Variants in CEP192 observed in about 807,000 individuals in gnomAD.
The protein encoded by CEP192 is centrosomal protein of 192 kDa.
In CEP192, 151 loss-of-function variants were observed where a neutral mutation model predicts 271.8. That is an observed-to-expected ratio of 0.56 (90% CI 0.49 to 0.64). CEP192 has a LOEUF of 0.64. CEP192 is among the 30% of genes least tolerant of loss of function. The pLI, the probability that CEP192 is intolerant of heterozygous loss-of-function variation, is 0.00. For missense variants in CEP192, 2,910 were observed against 3,020.5 expected (o/e 0.96, Z 0.86); for synonymous variants, 995 against 1,076.5 (o/e 0.92, Z 1.48).
At chr18:13,043,843 A>G (rs2036334269) in intron 15 of CEP192, among the ~76,000 whole-genome samples, 1 of 152,130 alleles carries the variant, frequency 6.6e-6, no homozygotes, top group East Asian at 1.9e-4. Flanking sequence ...ATTTCTTCCT[A>G]AGTTGTTGAA....
At chr18:13,085,263 TC>T (rs1323827419) in intron 30 of CEP192, among the ~76,000 whole-genome samples, 1 of 152,214 alleles carries the variant, frequency 6.6e-6, no homozygotes, top group Non-Finnish European at 1.5e-5. Flanking sequence ...GTAAATTTGT[TC>T]AAGTTCTTTG....
intron 12 of CEP192, among the ~76,000 whole-genome samples, chr18:13,037,870 T>A (rs2035997039): frequency 6.6e-6 from 1 of 152,198 alleles, no homozygotes; most frequent in East Asian, 1.9e-4. Flanking sequence ...TCTATAGTTT[T>A]AAAATATGTT....
chr18:13,011,464 T>C (rs1341150188), intron 4 of CEP192, among the ~76,000 whole-genome samples: 2 of 152,148 alleles, frequency 1.3e-5, no homozygotes, highest in Non-Finnish European at 2.9e-5. Context: ...GCATTTGCAC[T>C]CCTAGGTATA....
intron 15 of CEP192, among the ~76,000 whole-genome samples, chr18:13,048,254 C>T (rs1598443910): frequency 1.3e-5 from 2 of 152,208 alleles, no homozygotes; most frequent in African/African-American, 2.4e-5. Context: ...CACCAATTTG[C>T]TCCATCCTGG....
intron 1 of CEP192, among the ~76,000 whole-genome samples, chr18:12,993,909 T>C (rs2033046702): frequency 6.6e-6 from 1 of 152,236 alleles, no homozygotes; most frequent in African/African-American, 2.4e-5. Flanking sequence ...ACTCGTTTTT[T>C]CAATTTGTAT....
At chr18:13,119,050 C>T (rs976748641) in intron 44 of CEP192, among the ~76,000 whole-genome samples, 2 of 152,138 alleles carry the variant, frequency 1.3e-5, no homozygotes, top group East Asian at 3.8e-4. Context: ...GTAGGCTGCC[C>T]CAATTGATTT....
intron 34 of CEP192, among the ~76,000 whole-genome samples, chr18:13,094,376 A>C (rs924837616): frequency 6.6e-6 from 1 of 152,146 alleles, no homozygotes; most frequent in Admixed American, 6.5e-5. Flanking sequence ...GCTCTTTACT[A>C]TGAGGAAGAG....
At chr18:13,012,521 G>C (rs2034422485) in intron 4 of CEP192, among the ~76,000 whole-genome samples, 1 of 152,038 alleles carries the variant, frequency 6.6e-6, no homozygotes, top group Non-Finnish European at 1.5e-5. Context: ...TTTATTATCT[G>C]ATACAGTTGT....
intron 34 of CEP192, 108 bp from the exon 35 acceptor site, chr18:13,095,395 A>G (rs1568409008): frequency 5.9e-6 from 5 of 852,060 alleles, no homozygotes; most frequent in South Asian, 1.7e-5. Context: ...ATGTTTTTAG[A>G]TTTATGAAGA....
At chr18:13,084,278 C>T (rs892630776) in intron 30 of CEP192, among the ~76,000 whole-genome samples, 19 of 152,162 alleles carry the variant, frequency 1.2e-4, no homozygotes, top group Admixed American at 1.0e-3. Context: ...TGGGCTCCAC[C>T]CAGTTCGAGC....
At chr18:13,018,057 A>T (rs1460693236) in intron 7 of CEP192, among the ~76,000 whole-genome samples, 10 of 152,144 alleles carry the variant, frequency 6.6e-5, no homozygotes, top group Non-Finnish European at 1.3e-4. Flanking sequence ...ATACAGATTA[A>T]ACAGTTTCTC....
chr18:13,089,590 G>A (rs1403171537), intron 33 of CEP192, 25 bp downstream of exon 33: 4 of 1,134,264 alleles, frequency 3.5e-6, no homozygotes, highest in African/African-American at 1.5e-5. Flanking sequence ...GTGTCTTGAT[G>A]TATTAAATCT....
chr18:13,066,204 A>T (rs2037690083), intron 21 of CEP192, among the ~76,000 whole-genome samples: 2 of 152,224 alleles, frequency 1.3e-5, no homozygotes, highest in Non-Finnish European at 2.9e-5. Flanking sequence ...AACAGTTTTT[A>T]CAGTCCCAAC....
chr18:13,044,762 T>C (rs766278004), intron 15 of CEP192, among the ~76,000 whole-genome samples: 2 of 152,336 alleles, frequency 1.3e-5, no homozygotes, highest in African/African-American at 2.4e-5. Flanking sequence ...CTCTTTCTTA[T>C]AATGTTCTTG....
intron 9 of CEP192, among the ~76,000 whole-genome samples, chr18:13,028,215 G>A (rs911585699): frequency 6.6e-6 from 1 of 152,120 alleles, no homozygotes; most frequent in Admixed American, 6.5e-5. Flanking sequence ...TTCTTCTCTT[G>A]TCTGTGATAC....
chr18:13,001,349 G>T, intron 2 of CEP192, 108 bp from the exon 3 acceptor site: 1 of 704,308 alleles, frequency 1.4e-6, no homozygotes, highest in Non-Finnish European at 2.3e-6. Context: ...GGCCCTATTT[G>T]TTTTTACCCC....
chr18:12,996,370 C>T (rs375772201), intron 1 of CEP192, among the ~76,000 whole-genome samples: 2 of 151,934 alleles, frequency 1.3e-5, no homozygotes, highest in African/African-American at 4.8e-5. Flanking sequence ...TTGTCATTTT[C>T]GCTGGTGGGG....
At position 13,019,165 on chromosome 18, in the gene CEP192, G is replaced by T; in HGVS notation, c.1009G>T (p.Glu337Ter). The T allele has an allele frequency of 6.5e-7, 1 of 1,545,224 alleles. No homozygotes were observed. Among genetic ancestry groups the T allele is most frequent in the Non-Finnish European group, 8.7e-7 (1 of 1,144,630 alleles). Residue 337 changes from glutamate to a stop codon, truncating the protein, a stop_gained, in exon 9 of 45, where the codon GAA becomes TAA. Coordinates refer to ENST00000506447, the MANE Select transcript of CEP192 (RefSeq NM_032142.4). LOFTEE classifies it high-confidence loss of function. ...CTCTGGTACTTGGGGAACTGAGAAA[G>T]AAATAGAAAATTTGAAGGGTATTGT... ...FSSGTWGTEKEIENLKGIVPD... is the reference protein window; with the variant it reads ...FSSGTWGTEK
chr18:13,024,314 C>A (rs2035165066), intron 9 of CEP192: 1 of 456,272 alleles, frequency 2.2e-6, no homozygotes, highest in East Asian at 6.9e-5. Context: ...GCTATTCCTG[C>A]TTTCTTTTGA....
Sources: allele counts gnomAD v4.1 joint callset (sites outside exome capture counted in the v4.1 genomes callset), GRCh38; gene constraint gnomAD v4.1.1; transcripts MANE v1.5; gene names NCBI Gene and HGNC (gene_info 2026-07-23, HGNC 2026-07-21).